Variants in SUDS3 observed in about 807,000 individuals in gnomAD.
SUDS3 encodes sin3 histone deacetylase corepressor complex component SDS3.
Under a neutral mutation model 53.5 loss-of-function variants are expected in SUDS3, and 23 were observed. The observed-to-expected ratio is 0.43, with a 90% CI of 0.31 to 0.61. SUDS3 has a LOEUF of 0.61. Ranked by LOEUF, SUDS3 falls within the 20% of genes least tolerant of loss-of-function variation. SUDS3 has a pLI of 0.10. For synonymous variants in SUDS3, 150 were observed against 148.5 expected (o/e 1.01, Z -0.08); for missense variants, 291 against 405.9 (o/e 0.72, Z 2.43).
At chr12:118,397,909 C>G (rs2046230331) in intron 6 of SUDS3, among the ~76,000 whole-genome samples, 1 of 152,150 alleles carries the variant, frequency 6.6e-6, no homozygotes, top group Non-Finnish European at 1.5e-5. Context: ...CTCAGCCACT[C>G]TCTTTGGCAG....
rs540705512 is a variant in SUDS3, at chr12:118,414,248, C to G, written c.889-87C>G. 7.2e-6 allele frequency: 7 copies of G among 967,266 alleles called. No individual in the cohort carries two copies. The Admixed American group carries it at 1.2e-4, about 17-fold the overall frequency. The allele number at this position is 967,266 out of a possible 1,614,324, so 59.9% of individuals were successfully genotyped here. On this transcript the variant is annotated intron_variant, in intron 11 of 11. Coordinates refer to ENST00000543473, the MANE Select transcript of SUDS3 (RefSeq NM_022491.3). ...GAGGCTACCAGCCTTCTGCTTGCATCTCACTCGTGCAGATATTTTGATGGT... is the reference window on the plus strand; with the variant it reads ...GAGGCTACCAGCCTTCTGCTTGCATGTCACTCGTGCAGATATTTTGATGGT...
chr12:118,381,410 T>G (rs1195207133), intron 2 of SUDS3, among the ~76,000 whole-genome samples: 1 of 150,952 alleles, frequency 6.6e-6, no homozygotes, highest in Non-Finnish European at 1.5e-5. Context: ...GGAGATGGAG[T>G]GTCGCTTTGT....
chr12:118,409,380 T>A (rs997005509), intron 10 of SUDS3, among the ~76,000 whole-genome samples: 4 of 151,994 alleles, frequency 2.6e-5, no homozygotes, highest in Non-Finnish European at 5.9e-5. Context: ...CTCCTGACCT[T>A]GTGATCTGCC....
chr12:118,405,090 C>T (rs2046298197), intron 10 of SUDS3, among the ~76,000 whole-genome samples: 1 of 152,184 alleles, frequency 6.6e-6, no homozygotes, highest in African/African-American at 2.4e-5. Flanking sequence ...CATTATGTCT[C>T]AGAACACATC....
chr12:118,396,288 C>T (rs1316979665), intron 6 of SUDS3, among the ~76,000 whole-genome samples: 1 of 152,186 alleles, frequency 6.6e-6, no homozygotes, highest in African/African-American at 2.4e-5. Flanking sequence ...CGGGGTCTTG[C>T]TCTGCCACCC....
chr12:118,379,282 C>T (rs2046031847), intron 1 of SUDS3, among the ~76,000 whole-genome samples: 1 of 151,978 alleles, frequency 6.6e-6, no homozygotes, highest in Non-Finnish European at 1.5e-5. Context: ...ACTAAAAATA[C>T]AAAAAGTAGC....
At chr12:118,397,397 A>G (rs2046225738) in intron 6 of SUDS3, among the ~76,000 whole-genome samples, 1 of 152,170 alleles carries the variant, frequency 6.6e-6, no homozygotes, top group African/African-American at 2.4e-5. Flanking sequence ...TTCCAGGTGC[A>G]CTCAGACCTG....
At chr12:118,378,745 G>A (rs934262439) in intron 1 of SUDS3, among the ~76,000 whole-genome samples, 1 of 151,656 alleles carries the variant, frequency 6.6e-6, no homozygotes, top group South Asian at 2.1e-4. Flanking sequence ...GCGCGATCTC[G>A]GCTCACCACA....
chr12:118,402,245 T>TTTGA (rs911217395), intron 9 of SUDS3: 1 of 548,756 alleles, frequency 1.8e-6, no homozygotes, highest in African/African-American at 1.9e-5. Flanking sequence ...AAAAGAGACA[T>TTTGA]TTGATTGATT....
rs550989702 is a variant in SUDS3 at position 118,380,082 on chromosome 12, T to C, written c.143-80T>C. ...AGAAATTGATTTTACGGGAGTTTAT[T>C]GAGTGCATACTCTGTGTCAGGTGAC... is the stretch of plus-strand genomic sequence containing the variant. On this transcript the variant is annotated intron_variant, in intron 1 of 11. Transcript: ENST00000543473. 2.2e-4 allele frequency: 249 copies of C among 1,119,634 alleles called. 1 individual carries two copies. Among genetic ancestry groups the C allele is most frequent in the Non-Finnish European group, 3.1e-4 (235 of 757,328 alleles). 69.4% of individuals were successfully genotyped at this position (1,119,634 alleles called of 1,614,324 possible). A position where few individuals can be genotyped will look rare whatever the true frequency, so the allele number is the denominator to read the frequency against.
At chr12:118,401,693 C>T (rs375549279) in intron 7 of SUDS3, 66 bp from the exon 8 acceptor site, 2 of 1,254,308 alleles carry the variant, frequency 1.6e-6, no homozygotes, top group East Asian at 2.3e-5. Flanking sequence ...ATACTGGTAC[C>T]ATTGTGTTGA....
chr12:118,398,630 T>TC (rs970488289), intron 6 of SUDS3, among the ~76,000 whole-genome samples: 1 of 150,906 alleles, frequency 6.6e-6, no homozygotes, highest in Non-Finnish European at 1.5e-5. Flanking sequence ...TTTTTTTTTT[T>TC]TTTCAAATTT....
rs1366445508 is a variant in SUDS3 at position 118,401,874 on chromosome 12, G to A, written c.675+54G>A. On this transcript the variant is annotated intron_variant, in intron 8 of 11. Transcript: ENST00000543473. ...AAAACTCAGGCTTTTGTGGTTTTCTGATTTTGTTTGTTAACATGTTACTTG... is the reference window on the plus strand; with the variant it reads ...AAAACTCAGGCTTTTGTGGTTTTCTAATTTTGTTTGTTAACATGTTACTTG... 1.6e-5 allele frequency: 26 copies of A among 1,604,010 alleles called. No individual in the cohort carries two copies. In the South Asian group the frequency reaches 2.8e-4, roughly 17 times the overall value.
intron 4 of SUDS3, among the ~76,000 whole-genome samples, chr12:118,386,667 T>C (rs2046117454): frequency 6.6e-6 from 1 of 152,188 alleles, no homozygotes; most frequent in South Asian, 2.1e-4. Flanking sequence ...ATACAGTAAA[T>C]GTATTCATTC....
chr12:118,411,519 A>G (rs1162502250), intron 11 of SUDS3, among the ~76,000 whole-genome samples: 1 of 151,018 alleles, frequency 6.6e-6, no homozygotes, highest in Non-Finnish European at 1.5e-5. Flanking sequence ...TTTTTTTGAG[A>G]CAGAGTCTCA....
intron 1 of SUDS3, 108 bp from the exon 2 acceptor site, chr12:118,380,054 A>T: frequency 1.2e-6 from 1 of 869,058 alleles, no homozygotes; most frequent in Non-Finnish European, 1.9e-6. Context: ...GCCTGCCTTG[A>T]ATAGAAATTG....
At chr12:118,379,032 G>T (rs1033476672) in intron 1 of SUDS3, among the ~76,000 whole-genome samples, 2 of 151,750 alleles carry the variant, frequency 1.3e-5, no homozygotes, top group Non-Finnish European at 2.9e-5. Context: ...GGCTGGTCTG[G>T]AACTCCTGTC....
chr12:118,408,132 C>T (rs1446196459), intron 10 of SUDS3, among the ~76,000 whole-genome samples: 3 of 152,178 alleles, frequency 2.0e-5, no homozygotes, highest in Non-Finnish European at 4.4e-5. Context: ...ATCTCCTGAC[C>T]TCGTGATATA....
intron 11 of SUDS3, among the ~76,000 whole-genome samples, chr12:118,411,960 C>A (rs751845574): frequency 3.3e-5 from 5 of 152,186 alleles, no homozygotes; most frequent in Non-Finnish European, 7.3e-5. Context: ...GGTCTAGCAC[C>A]CAGTAAGTGC....
Sources: gnomAD v4.1 joint callset for allele counts (sites outside exome capture counted in the v4.1 genomes callset) on GRCh38, gnomAD v4.1.1 for gene constraint, MANE v1.5 for transcripts, NCBI Gene and HGNC (gene_info 2026-07-23, HGNC 2026-07-21) for gene names.